TTBK2: variants seen among roughly 807,000 people sequenced by gnomAD.
TTBK2 encodes tau tubulin kinase 2.
TTBK2 carries 28 observed loss-of-function variants against 110.8 expected under a neutral mutation model. The ratio of observed to expected loss-of-function variants is 0.25; its 90% CI spans 0.19 to 0.35. TTBK2 has a LOEUF of 0.35. TTBK2 is among the 10% of genes least tolerant of loss of function. The pLI is 1.00. For synonymous variants in TTBK2, 532 were observed against 527.3 expected, an observed-to-expected ratio of 1.01 and a Z score of -0.12; for missense variants, 1,369 against 1,500.3, an observed-to-expected ratio of 0.91 and a Z score of 1.45.
intron 13 of TTBK2, among the ~76,000 whole-genome samples, chr15:42,764,622 A>T (rs1595888083): frequency 6.6e-6 from 1 of 152,270 alleles, no homozygotes. Flanking sequence ...AACTGGGCAG[A>T]GCCCACCGCA....
chr15:42,861,467 T>C (rs920871975), intron 3 of TTBK2, among the ~76,000 whole-genome samples: 8 of 152,078 alleles, frequency 5.3e-5, no homozygotes, highest in African/African-American at 9.6e-5. Context: ...CAAAAATACA[T>C]GGAAGTTAAC....
intron 3 of TTBK2, among the ~76,000 whole-genome samples, chr15:42,856,859 A>G (rs1309205773): frequency 2.0e-5 from 3 of 152,172 alleles, no homozygotes; most frequent in Non-Finnish European, 2.9e-5. Context: ...TCAGGCATTC[A>G]AGACCAGCCT....
At position 42,787,129 on chromosome 15, in the gene TTBK2, ATTT is replaced by A. The variant is rs577799685; in HGVS notation, c.981-3497_981-3495del. Among the ~76,000 whole-genome samples the A allele has an allele frequency of 1.1e-4, 17 of 151,326 alleles. No homozygotes were observed. In the East Asian group the frequency reaches 3.3e-3, roughly 29 times the overall value. On this transcript the variant is annotated intron_variant, in intron 10 of 14. Transcript: ENST00000267890. Reference sequence around the variant, plus strand: ...TGGGCCAAATCTGGCCTGCTTACCTATTTTTTTTTAATAGACTTATTGGAACAC... The same window carrying A: ...TGGGCCAAATCTGGCCTGCTTACCTATTTTTTAATAGACTTATTGGAACAC...
At chr15:42,882,326 C>G (rs569038570) in intron 1 of TTBK2, among the ~76,000 whole-genome samples, 2 of 151,890 alleles carry the variant, frequency 1.3e-5, no homozygotes, top group African/African-American at 4.8e-5. Context: ...CAGCCAGGCA[C>G]GGTGGCTCAC....
chr15:42,801,399 T>C (rs1241078480), intron 9 of TTBK2: 1 of 1,232,292 alleles, frequency 8.1e-7, no homozygotes, highest in Non-Finnish European at 1.2e-6. Context: ...CCCACGCTGC[T>C]CGGTATCTGC....
chr15:42,811,684 T>G lies in TTBK2; in HGVS notation c.696+4A>C. On this transcript the variant is annotated splice_donor_region_variant and intron_variant, in intron 8 of 14. Coordinates refer to ENST00000267890, the MANE Select transcript of TTBK2 (RefSeq NM_173500.4). The stretch of plus-strand genomic sequence containing the variant: ...ACAATTGACATCTCCATTCCCAAAA[T>G]TACCTTGTCCTTTATTTTTCTCCAG... The G allele has an allele frequency of 6.2e-7, 1 of 1,612,902 alleles. No individual in the cohort carries two copies. Among genetic ancestry groups the G allele is most frequent in the Non-Finnish European group, 8.5e-7 (1 of 1,179,184 alleles).
At chr15:42,813,514 T>G (rs1457593735) in intron 7 of TTBK2, among the ~76,000 whole-genome samples, 3 of 150,436 alleles carry the variant, frequency 2.0e-5, no homozygotes, top group African/African-American at 7.3e-5. Flanking sequence ...AGAGCAAGAC[T>G]CTCCCAAAAA....
At chr15:42,853,080 C>G (rs1220750245) in intron 3 of TTBK2, among the ~76,000 whole-genome samples, 1 of 152,142 alleles carries the variant, frequency 6.6e-6, no homozygotes, top group Non-Finnish European at 1.5e-5. Context: ...GAAAAAGGAG[C>G]AGTCATACTT....
At chr15:42,912,324 A>T (rs955029204) in intron 1 of TTBK2, among the ~76,000 whole-genome samples, 49 of 152,224 alleles carry the variant, frequency 3.2e-4, no homozygotes, top group African/African-American at 1.0e-3. Context: ...ATTATCTCTC[A>T]GGCTAAAGTA....
intron 1 of TTBK2, among the ~76,000 whole-genome samples, chr15:42,920,026 T>C (rs2093105282): frequency 6.6e-6 from 1 of 152,206 alleles, no homozygotes; most frequent in African/African-American, 2.4e-5. Context: ...TAGTCCCATG[T>C]TCCTTTCCAT....
At chr15:42,769,180 C>G (rs1889540442) in intron 13 of TTBK2, among the ~76,000 whole-genome samples, 1 of 152,166 alleles carries the variant, frequency 6.6e-6, no homozygotes, top group South Asian at 2.1e-4. Context: ...CTAGGCAATA[C>G]CATTCAGGAC....
In TTBK2 at chr15:42,745,916, TG is replaced by T. The variant is rs1277942183; in HGVS notation, c.3613del (p.Gln1205AsnfsTer12). 6.2e-7 allele frequency: 1 copy of T among 1,614,144 alleles called. No homozygotes were observed. Among genetic ancestry groups the T allele is most frequent in the South Asian group, 1.1e-5 (1 of 91,074 alleles). On this transcript the variant is annotated frameshift_variant, in exon 15 of 15. Coordinates refer to ENST00000267890, the MANE Select transcript of TTBK2 (RefSeq NM_173500.4). LOFTEE classifies it high-confidence loss of function. ...SGSSSSRRSC[Q>X]QEHCKPSKNG... ...CTTGCTGGGTTTGCAATGCTCCTGT[TG>T]GCAGGACCTCCTGGAGGAGGAAGAT...
chr15:42,763,173 T>C (rs1391198356), intron 13 of TTBK2, among the ~76,000 whole-genome samples: 68 of 17,936 alleles, frequency 3.8e-3, no homozygotes, highest in African/African-American at 0.015. Flanking sequence ...TATATATATA[T>C]ATATATATAT....
At chr15:42,904,559 T>C (rs1390948884) in intron 1 of TTBK2, among the ~76,000 whole-genome samples, 1 of 152,028 alleles carries the variant, frequency 6.6e-6, no homozygotes, top group Non-Finnish European at 1.5e-5. Context: ...ACTCTGGAGG[T>C]GTTGCCAAAC....
At chr15:42,856,540 T>G (rs1275151800) in intron 3 of TTBK2, among the ~76,000 whole-genome samples, 1 of 152,072 alleles carries the variant, frequency 6.6e-6, no homozygotes, top group Admixed American at 6.6e-5. Flanking sequence ...AAATACTGGA[T>G]AGATATGAGA....
At chr15:42,815,465 G>C (rs946345371) in intron 7 of TTBK2, among the ~76,000 whole-genome samples, 1 of 151,966 alleles carries the variant, frequency 6.6e-6, no homozygotes, top group African/African-American at 2.4e-5. Context: ...ATTTTATCAA[G>C]GAATCACTTG....
At chr15:42,839,901 C>T (rs1893151000) in intron 4 of TTBK2, among the ~76,000 whole-genome samples, 1 of 152,088 alleles carries the variant, frequency 6.6e-6, no homozygotes, top group African/African-American at 2.4e-5. Flanking sequence ...GCAAGAAGTC[C>T]CTTGCAAGAT....
At chr15:42,886,780 C>T (rs1895263387) in intron 1 of TTBK2, among the ~76,000 whole-genome samples, 1 of 152,222 alleles carries the variant, frequency 6.6e-6, no homozygotes, top group Non-Finnish European at 1.5e-5. Context: ...TTCAGGACTT[C>T]CTCCCCCAGG....
At chr15:42,838,406 A>G (rs1893083788) in intron 4 of TTBK2, among the ~76,000 whole-genome samples, 1 of 151,558 alleles carries the variant, frequency 6.6e-6, no homozygotes, top group Non-Finnish European at 1.5e-5. Context: ...GGTCAGAGGT[A>G]GTGTCAGAAA....
Sources: allele counts gnomAD v4.1 joint callset (sites outside exome capture counted in the v4.1 genomes callset), GRCh38; gene constraint gnomAD v4.1.1; transcripts MANE v1.5; gene names NCBI Gene and HGNC (gene_info 2026-07-23, HGNC 2026-07-21).